Variants in BCKDHB observed in about 807,000 individuals in gnomAD.
BCKDHB encodes the protein 2-oxoisovalerate dehydrogenase subunit beta, mitochondrial.
Under a neutral mutation model 48.5 loss-of-function variants are expected in BCKDHB, and 41 were observed. That is an observed-to-expected ratio of 0.85 (90% CI 0.66 to 1.10). The LOEUF is 1.10. Among genes scored for constraint, BCKDHB ranks in the 50% least tolerant of loss-of-function variants. The pLI, the probability that BCKDHB is intolerant of heterozygous loss-of-function variation, is 0.00. For missense variants in BCKDHB, 496 were observed against 494.2 expected, an observed-to-expected ratio of 1.00 and a Z score of -0.03; for synonymous variants, 201 against 174.8, an observed-to-expected ratio of 1.15 and a Z score of -1.18.
rs192440965 is a variant in BCKDHB, at chr6:80,121,557, C to G, written c.197-5990C>G. 5.9e-5 allele frequency among the ~76,000 whole-genome samples: 9 copies of G among 152,270 alleles called. No individual in the cohort carries two copies. The East Asian group carries it at 1.7e-3, about 29-fold the overall frequency. Reference sequence around the variant, plus strand: ...TTTTGTTGAGCAGTGGTTTGTAGTTCTCCTTGAAGAGGTCCTTCACATTCC... The same window carrying G: ...TTTTGTTGAGCAGTGGTTTGTAGTTGTCCTTGAAGAGGTCCTTCACATTCC... On this transcript the variant is annotated intron_variant, in intron 1 of 9. Coordinates refer to ENST00000320393, the MANE Select transcript of BCKDHB (RefSeq NM_183050.4).
At chr6:80,130,941 CA>C (rs1475776003) in intron 3 of BCKDHB, among the ~76,000 whole-genome samples, 2 of 152,120 alleles carry the variant, frequency 1.3e-5, no homozygotes, top group African/African-American at 4.8e-5. Context: ...AGTAGCATGC[CA>C]TGTGCTTTCT....
chr6:80,275,175 G>T (rs1181819522), intron 9 of BCKDHB, among the ~76,000 whole-genome samples: 2 of 151,952 alleles, frequency 1.3e-5, no homozygotes, highest in African/African-American at 4.8e-5. Flanking sequence ...GAGAAATATT[G>T]ATCTAAACCA....
At chr6:80,320,279 G>A (rs781215912) in intron 9 of BCKDHB, among the ~76,000 whole-genome samples, 1 of 152,054 alleles carries the variant, frequency 6.6e-6, no homozygotes, top group Non-Finnish European at 1.5e-5. Flanking sequence ...AGACGCAACA[G>A]GTTTTGATAA....
At chr6:80,267,942 C>T (rs961339068) in intron 8 of BCKDHB, among the ~76,000 whole-genome samples, 1 of 151,996 alleles carries the variant, frequency 6.6e-6, no homozygotes, top group South Asian at 2.1e-4. Flanking sequence ...TCTTGGTTTA[C>T]ACTTTCCTAC....
chr6:80,211,840 A>G (rs1347287858), intron 8 of BCKDHB, among the ~76,000 whole-genome samples: 1 of 152,210 alleles, frequency 6.6e-6, no homozygotes, highest in Non-Finnish European at 1.5e-5. Context: ...GTGACATCAC[A>G]TATCAGTAGG....
rs1212135542 is a variant in BCKDHB at position 80,179,334 on chromosome 6, A to G, written c.742+7944A>G. 3.3e-5 allele frequency among the ~76,000 whole-genome samples: 5 copies of G among 152,232 alleles called. No homozygotes were observed. The East Asian group carries it at 5.8e-4, about 18-fold the overall frequency. Reference sequence around the variant, plus strand: ...CTTTTTATCTGTGGGTTCCAGAGCCATAAGTTTAACCAACCATAGATTGAA... The same window carrying G: ...CTTTTTATCTGTGGGTTCCAGAGCCGTAAGTTTAACCAACCATAGATTGAA... On this transcript the variant is annotated intron_variant, in intron 6 of 9. Coordinates refer to ENST00000320393, the MANE Select transcript of BCKDHB (RefSeq NM_183050.4).
At chr6:80,415,506 T>G in the BCKDHB span, among the ~76,000 whole-genome samples, 1 of 152,176 alleles carries the variant, frequency 6.6e-6, no homozygotes, top group Admixed American at 6.5e-5. Context: ...ATCAAAAGCC[T>G]TTTCTGAATC....
chr6:80,330,409 T>G (rs34223542), intron 9 of BCKDHB, among the ~76,000 whole-genome samples: 1,945 of 152,234 alleles, frequency 0.013, 18 homozygotes, highest in Non-Finnish European at 0.022. Context: ...AAATACAAAC[T>G]GGAATTGTTT....
At chr6:80,294,086 A>G (rs1767090327) in intron 9 of BCKDHB, among the ~76,000 whole-genome samples, 1 of 152,104 alleles carries the variant, frequency 6.6e-6, no homozygotes, top group South Asian at 2.1e-4. Context: ...CTATTACCCA[A>G]TTCCAAAGTC....
chr6:80,111,475 C>T (rs1769404644), intron 1 of BCKDHB, among the ~76,000 whole-genome samples: 1 of 152,116 alleles, frequency 6.6e-6, no homozygotes, highest in South Asian at 2.1e-4. Flanking sequence ...CTGGCAGGGG[C>T]TTAATATAGT....
At chr6:80,204,047 A>C (rs1226044781) in intron 8 of BCKDHB, among the ~76,000 whole-genome samples, 1 of 152,116 alleles carries the variant, frequency 6.6e-6, no homozygotes, top group Non-Finnish European at 1.5e-5. Context: ...ATTACATGTA[A>C]AATTGTAGGA....
chr6:80,248,886 TTG>T (rs1290899252), intron 8 of BCKDHB, among the ~76,000 whole-genome samples: 10 of 122,506 alleles, frequency 8.2e-5, no homozygotes, highest in South Asian at 6.0e-4. Flanking sequence ...GGTTGGAAGT[TTG>T]TGTGTGTGTG....
chr6:80,308,328 G>T (rs1476019467), intron 9 of BCKDHB, among the ~76,000 whole-genome samples: 1 of 152,020 alleles, frequency 6.6e-6, no homozygotes, highest in Non-Finnish European at 1.5e-5. Flanking sequence ...TCATATGATA[G>T]TAATTTAAAT....
At chr6:80,452,924 C>T in the BCKDHB span, among the ~76,000 whole-genome samples, 6 of 151,998 alleles carry the variant, frequency 3.9e-5, no homozygotes, top group South Asian at 2.1e-4. Context: ...CAGTTAGTGC[C>T]GTCTTCTTGT....
intron 9 of BCKDHB, among the ~76,000 whole-genome samples, chr6:80,305,871 G>A (rs1281817561): frequency 6.6e-6 from 1 of 152,170 alleles, no homozygotes; most frequent in African/African-American, 2.4e-5. Context: ...AAATGACAAG[G>A]AATATAATAA....
intron 1 of BCKDHB, among the ~76,000 whole-genome samples, chr6:80,110,491 C>T (rs1244864084): frequency 6.6e-6 from 1 of 152,202 alleles, no homozygotes; most frequent in East Asian, 1.9e-4. Context: ...CCTCAGATTC[C>T]TCTCTAAGGC....
intron 9 of BCKDHB, among the ~76,000 whole-genome samples, chr6:80,321,055 C>A (rs1303866984): frequency 6.6e-6 from 1 of 152,086 alleles, no homozygotes; most frequent in African/African-American, 2.4e-5. Flanking sequence ...CTAACCTAAA[C>A]AAGCTTATAT....
At chr6:80,288,683 C>T (rs1766750427) in intron 9 of BCKDHB, among the ~76,000 whole-genome samples, 1 of 152,068 alleles carries the variant, frequency 6.6e-6, no homozygotes, top group South Asian at 2.1e-4. Flanking sequence ...ATTGCCTAAG[C>T]CGACTGTACT....
intron 3 of BCKDHB, among the ~76,000 whole-genome samples, chr6:80,135,524 T>G (rs1002948241): frequency 7.9e-5 from 12 of 152,174 alleles, no homozygotes; most frequent in Admixed American, 3.3e-4. Flanking sequence ...TAAAGGATTG[T>G]TAGTAGCTTT....
Sources: allele counts gnomAD v4.1 joint callset (sites outside exome capture counted in the v4.1 genomes callset), GRCh38; gene constraint gnomAD v4.1.1; transcripts MANE v1.5; gene names NCBI Gene and HGNC (gene_info 2026-07-23, HGNC 2026-07-21).